AIDA: variants seen among roughly 807,000 people sequenced by gnomAD.
AIDA encodes the protein axin interactor, dorsalization-associated protein.
AIDA carries 18 observed loss-of-function variants against 42.7 expected under a neutral mutation model. The observed-to-expected ratio is 0.42, with a 90% CI of 0.29 to 0.63. The LOEUF is 0.63. Among genes scored for constraint, AIDA ranks in the 20% least tolerant of loss-of-function variants. The pLI is 0.19. For missense variants in AIDA, 250 were observed against 354.1 expected, an observed-to-expected ratio of 0.71 and a Z score of 2.36; for synonymous variants, 104 against 122.9, an observed-to-expected ratio of 0.85 and a Z score of 1.02.
chr1:222,703,276 G>A (rs1271659051), intron 1 of AIDA, 59 bp from the exon 2 acceptor site: 1 of 1,304,696 alleles, frequency 7.7e-7, no homozygotes, highest in Non-Finnish European at 1.1e-6. Flanking sequence ...GCAACAAAGT[G>A]TAACAATTTA....
Position 222,699,775 on chromosome 1 carries a change from CT to C in AIDA, c.180+3372del, listed in dbSNP as rs777454792. Among the ~76,000 whole-genome samples the C allele has an allele frequency of 3.4e-3, 480 of 143,206 alleles. 1 individual carries two copies. Among genetic ancestry groups the C allele is most frequent in the Middle Eastern group, 3.6e-3 (1 of 278 alleles). The allele number at this position is 143,206 out of a possible 152,430, so 93.9% of individuals were successfully genotyped here. A position where few individuals can be genotyped will look rare whatever the true frequency, so the allele number is the denominator to read the frequency against. ...GCTTGCATTTTTAAAGAAAATTAAA[CT>C]TTTTTTTTTTTTTTGAGACAAGTCT... On this transcript the variant is annotated intron_variant, in intron 2 of 9. Coordinates refer to ENST00000340020, the MANE Select transcript of AIDA (RefSeq NM_022831.4).
intron 4 of AIDA, among the ~76,000 whole-genome samples, chr1:222,689,528 TACACAC>T (rs531432390): frequency 1.3e-5 from 1 of 76,430 alleles, no homozygotes; most frequent in African/African-American, 4.1e-5. Context: ...TATACACACA[TACACAC>T]ACACACATAT....
rs36041357 is a variant in AIDA at position 222,698,448 on chromosome 1, A to ATTT, written c.181-4188_181-4186dup. Among the ~76,000 whole-genome samples the ATTT allele has an allele frequency of 4.5e-3, 567 of 127,380 alleles. 2 individuals are homozygous for ATTT. Among genetic ancestry groups the ATTT allele is most frequent in the Non-Finnish European group, 8.0e-3 (479 of 59,692 alleles). 83.6% of individuals were successfully genotyped at this position (127,380 alleles called of 152,430 possible). ...ACAACAGAATAGCATTTATTCATCA[A>ATTT]TTTTTTTTTTTTTTTTTTTTGAGAC... On this transcript the variant is annotated intron_variant, in intron 2 of 9. Coordinates refer to ENST00000340020, the MANE Select transcript of AIDA (RefSeq NM_022831.4).
At chr1:222,700,878 T>A (rs1655671334) in intron 2 of AIDA, among the ~76,000 whole-genome samples, 1 of 151,366 alleles carries the variant, frequency 6.6e-6, no homozygotes, top group Non-Finnish European at 1.5e-5. Flanking sequence ...AAACACCAGC[T>A]TCAGCCTTAG....
intron 6 of AIDA, among the ~76,000 whole-genome samples, chr1:222,685,714 A>G (rs1285610164): frequency 2.0e-5 from 3 of 152,198 alleles, no homozygotes; most frequent in African/African-American, 7.2e-5. Flanking sequence ...AAGGTTATTT[A>G]CAGGGAGGGA....
At chr1:222,672,638 A>C (rs1664469520) in intron 8 of AIDA, among the ~76,000 whole-genome samples, 1 of 152,220 alleles carries the variant, frequency 6.6e-6, no homozygotes, top group Non-Finnish European at 1.5e-5. Context: ...GGAACAGAGG[A>C]GGCAGCAGCA....
intron 4 of AIDA, among the ~76,000 whole-genome samples, chr1:222,693,514 C>CTGCTG (rs1655430561): frequency 6.6e-6 from 1 of 152,068 alleles, no homozygotes; most frequent in East Asian, 1.9e-4. Context: ...CAAATGTTTA[C>CTGCTG]CAAAGTAATT....
intron 4 of AIDA, among the ~76,000 whole-genome samples, chr1:222,690,041 C>T (rs935546497): frequency 6.6e-6 from 1 of 152,108 alleles, no homozygotes; most frequent in African/African-American, 2.4e-5. Flanking sequence ...GTATTCAGTA[C>T]AGTAACAGGT....
chr1:222,680,494 C>G (rs771089768), intron 6 of AIDA, among the ~76,000 whole-genome samples: 2 of 152,102 alleles, frequency 1.3e-5, no homozygotes, highest in Non-Finnish European at 2.9e-5. Context: ...ACAATTCTCC[C>G]TAAGTAAAAA....
intron 4 of AIDA, among the ~76,000 whole-genome samples, chr1:222,689,742 T>C (rs1655321414): frequency 1.3e-5 from 2 of 151,640 alleles, no homozygotes; most frequent in Non-Finnish European, 2.9e-5. Flanking sequence ...GGTTAATTTA[T>C]TATTAAAGAC....
intron 2 of AIDA, among the ~76,000 whole-genome samples, chr1:222,696,644 T>C (rs886159297): frequency 6.6e-6 from 1 of 152,254 alleles, no homozygotes; most frequent in African/African-American, 2.4e-5. Context: ...ATGCCTTCTA[T>C]GCAATATAGC....
chr1:222,709,879 G>A (rs1041429483), intron 1 of AIDA, among the ~76,000 whole-genome samples: 2 of 152,188 alleles, frequency 1.3e-5, no homozygotes, highest in African/African-American at 4.8e-5. Context: ...GTTGAGTCAT[G>A]AAATTGTTTA....
chr1:222,676,344 C>G (rs542624671), intron 6 of AIDA, 126 bp from the exon 7 acceptor site: 18 of 1,091,028 alleles, frequency 1.6e-5, no homozygotes, highest in Non-Finnish European at 2.0e-5. Flanking sequence ...TTTTGGTTCC[C>G]GAAACTCCCA....
chr1:222,698,836 T>C (rs1161001431), intron 2 of AIDA, among the ~76,000 whole-genome samples: 1 of 151,988 alleles, frequency 6.6e-6, no homozygotes, highest in South Asian at 2.1e-4. Context: ...TTTGTGTTTG[T>C]TTGTTTTGAG....
At chr1:222,703,743 C>T (rs1361059738) in intron 1 of AIDA, among the ~76,000 whole-genome samples, 1 of 152,134 alleles carries the variant, frequency 6.6e-6, no homozygotes, top group Non-Finnish European at 1.5e-5. Context: ...AGCAAATTCT[C>T]CACCAATCAG....
chr1:222,710,580 C>T (rs552335591), intron 1 of AIDA, among the ~76,000 whole-genome samples: 30 of 152,288 alleles, frequency 2.0e-4, no homozygotes, highest in Non-Finnish European at 4.0e-4. Context: ...AATGGGTATA[C>T]ATAGGTGCTT....
intron 6 of AIDA, among the ~76,000 whole-genome samples, chr1:222,682,202 C>A (rs1321537349): frequency 6.6e-6 from 1 of 152,066 alleles, no homozygotes; most frequent in Non-Finnish European, 1.5e-5. Flanking sequence ...ACATCATATA[C>A]CACCACCAAA....
rs566452500 is a variant in AIDA at position 222,671,973 on chromosome 1, A to C, written c.706+1340T>G. ...TTTTGAGGAAGTTAAACAAATTATT[A>C]ATCTGTATCACCTGTAAATAATATA... On this transcript the variant is annotated intron_variant, in intron 8 of 9. Transcript: ENST00000340020. Among the ~76,000 whole-genome samples, 16 of 152,360 alleles carry C rather than the reference A, an allele frequency of 1.1e-4. No homozygotes were observed. In the East Asian group the frequency reaches 3.1e-3, roughly 29 times the overall value.
intron 7 of AIDA, 31 bp downstream of exon 7, chr1:222,676,065 T>C (rs746711138): frequency 7.2e-6 from 11 of 1,532,070 alleles, no homozygotes; most frequent in Non-Finnish European, 9.6e-6. Context: ...AAAATTCACC[T>C]GAGAAAAAAA....
Sources: allele counts gnomAD v4.1 joint callset (sites outside exome capture counted in the v4.1 genomes callset), GRCh38; gene constraint gnomAD v4.1.1; transcripts MANE v1.5; gene names NCBI Gene and HGNC (gene_info 2026-07-23, HGNC 2026-07-21).